Variants in ADARB2 observed in about 807,000 individuals in gnomAD.
ADARB2 encodes the protein inactive double-stranded RNA-specific editase B2.
In ADARB2, 25 loss-of-function variants were observed where a neutral mutation model predicts 62.2. The ratio of observed to expected loss-of-function variants is 0.40; its 90% confidence interval spans 0.29 to 0.56. The LOEUF is 0.56. Among genes scored for constraint, ADARB2 ranks in the 20% least tolerant of loss-of-function variants. ADARB2 has a pLI of 0.43. For missense variants in ADARB2, 1,071 were observed against 1,077.4 expected, an observed-to-expected ratio of 0.99 and a Z score of 0.08; for synonymous variants, 572 against 500.8, an observed-to-expected ratio of 1.14 and a Z score of -1.90.
intron 1 of ADARB2, among the ~76,000 whole-genome samples, chr10:1,463,436 A>T (rs1248585910): frequency 6.6e-6 from 1 of 152,242 alleles, no homozygotes; most frequent in Non-Finnish European, 1.5e-5. Context: ...AGACACGGGT[A>T]GAAGAGGCAG....
chr10:1,334,764 C>T (rs1470671112), intron 3 of ADARB2, among the ~76,000 whole-genome samples: 1 of 152,084 alleles, frequency 6.6e-6, no homozygotes, highest in African/African-American at 2.4e-5. Flanking sequence ...GGGTGTGTAA[C>T]GTCTTTGTGA....
intron 3 of ADARB2, among the ~76,000 whole-genome samples, chr10:1,302,572 G>C (rs1213552481): frequency 2.0e-5 from 3 of 152,142 alleles, no homozygotes; most frequent in Non-Finnish European, 2.9e-5. Context: ...ACCTCTGGGG[G>C]CAGGGCACAG....
chr10:1,619,349 T>C (rs1178298903), intron 1 of ADARB2, among the ~76,000 whole-genome samples: 1 of 151,204 alleles, frequency 6.6e-6, no homozygotes, highest in East Asian at 1.9e-4. Flanking sequence ...AAAAACTACA[T>C]TTGCTGTATT....
intron 4 of ADARB2, among the ~76,000 whole-genome samples, chr10:1,258,872 A>G (rs1338607996): frequency 2.0e-5 from 3 of 152,214 alleles, no homozygotes; most frequent in African/African-American, 4.8e-5. Flanking sequence ...CACCACACCT[A>G]TTCCAAAATT....
chr10:1,587,163 T>A (rs918320564), intron 1 of ADARB2, among the ~76,000 whole-genome samples: 10 of 152,204 alleles, frequency 6.6e-5, no homozygotes, highest in Non-Finnish European at 1.5e-4. Flanking sequence ...GTACACATAG[T>A]TTGAGAGTAA....
intron 3 of ADARB2, among the ~76,000 whole-genome samples, chr10:1,279,266 A>G (rs2131804098): frequency 6.6e-6 from 1 of 152,250 alleles, no homozygotes; most frequent in Non-Finnish European, 1.5e-5. Flanking sequence ...TCCTTTGTGT[A>G]TGCATGAAGA....
intron 1 of ADARB2, among the ~76,000 whole-genome samples, chr10:1,628,071 C>A (rs367733806): frequency 6.6e-6 from 1 of 152,386 alleles, no homozygotes; most frequent in South Asian, 2.1e-4. Flanking sequence ...CCCTTGTCCA[C>A]GCGTGGGTAG....
At chr10:1,440,713 G>A (rs1179138092) in intron 1 of ADARB2, among the ~76,000 whole-genome samples, 1 of 152,208 alleles carries the variant, frequency 6.6e-6, no homozygotes, top group Non-Finnish European at 1.5e-5. Flanking sequence ...TAAGCTATGA[G>A]CCAAGTGTTA....
chr10:1,244,911 G>A (rs1038297846), intron 4 of ADARB2, among the ~76,000 whole-genome samples: 34 of 152,242 alleles, frequency 2.2e-4, no homozygotes, highest in African/African-American at 8.0e-4. Context: ...GAGCCCGTAG[G>A]AGATGTGTGT....
At chr10:1,526,742 C>G (rs752643560) in intron 1 of ADARB2, 2 of 393,788 alleles carry the variant, frequency 5.1e-6, no homozygotes, top group South Asian at 3.7e-5. Flanking sequence ...GTGTTCCTTT[C>G]TAGCAACACA....
chr10:1,484,191 C>A (rs1468715883), intron 1 of ADARB2, among the ~76,000 whole-genome samples: 1 of 152,208 alleles, frequency 6.6e-6, no homozygotes, highest in Non-Finnish European at 1.5e-5. Context: ...CTTCTGCAGA[C>A]TTTATTTCTC....
rs187105821 is a variant in ADARB2, at chr10:1,704,991, G to C, written c.100+32060C>G. Among the ~76,000 whole-genome samples the C allele has an allele frequency of 1.2e-4, 19 of 152,266 alleles. No individual in the cohort carries two copies. In the East Asian group the frequency reaches 3.7e-3, roughly 29 times the overall value. ...CCATGAGCACAGACCCACAGGCAAAGCCCTGGGAGAAGTCCTTTCAAAGCT... is the reference window on the plus strand; with the variant it reads ...CCATGAGCACAGACCCACAGGCAAACCCCTGGGAGAAGTCCTTTCAAAGCT... On this transcript the variant is annotated intron_variant, in intron 1 of 9. Coordinates refer to ENST00000381312, the MANE Select transcript of ADARB2 (RefSeq NM_018702.4). This position sits in a 1 kb window ranked among gnomAD's most constrained non-coding sequence, Gnocchi z 5.6.
chr10:1,219,912 GTGGCGATGATGGTGA>G (rs1252792763), intron 6 of ADARB2, among the ~76,000 whole-genome samples: 33 of 144,636 alleles, frequency 2.3e-4, no homozygotes, highest in Non-Finnish European at 2.4e-4. Context: ...GGTAATGGTG[GTGGCGATGATGGTGA>G]TGGTGATGAT....
chr10:1,601,891 T>G (rs1833420126), intron 1 of ADARB2, among the ~76,000 whole-genome samples: 1 of 152,214 alleles, frequency 6.6e-6, no homozygotes, highest in Non-Finnish European at 1.5e-5. Context: ...GCAAAAGCAT[T>G]GAATGTGAGG....
intron 1 of ADARB2, among the ~76,000 whole-genome samples, chr10:1,474,776 T>C (rs1048703139): frequency 6.6e-6 from 1 of 151,816 alleles, no homozygotes; most frequent in African/African-American, 2.4e-5. Flanking sequence ...CTTGGGGAGA[T>C]GAGATTTACG....
intron 1 of ADARB2, among the ~76,000 whole-genome samples, chr10:1,455,216 C>T (rs934476046): frequency 6.6e-6 from 1 of 152,200 alleles, no homozygotes; most frequent in Non-Finnish European, 1.5e-5. Flanking sequence ...TTGTTAAGGA[C>T]CAGATGCTTC....
chr10:1,562,158 C>T (rs1446652155), intron 1 of ADARB2, among the ~76,000 whole-genome samples: 1 of 151,986 alleles, frequency 6.6e-6, no homozygotes, highest in African/African-American at 2.4e-5. Context: ...GCCCCTCTCA[C>T]CCCGCCCAAC....
intron 1 of ADARB2, among the ~76,000 whole-genome samples, chr10:1,663,346 A>G (rs1276728948): frequency 1.3e-5 from 2 of 152,178 alleles, no homozygotes; most frequent in African/African-American, 4.8e-5. Context: ...CGGCTCTGAG[A>G]ATTGCGACAA....
intron 3 of ADARB2, among the ~76,000 whole-genome samples, chr10:1,348,692 C>G (rs767493459): frequency 2.0e-5 from 3 of 152,180 alleles, no homozygotes; most frequent in Admixed American, 6.5e-5. Context: ...GTGAAGGCCC[C>G]GAGATGGGGT....
Sources: gnomAD v4.1 joint callset for allele counts (sites outside exome capture counted in the v4.1 genomes callset) on GRCh38, gnomAD v4.1.1 for gene constraint, Gnocchi (gnomAD v3.1) non-coding constraint, MANE v1.5 for transcripts, NCBI Gene and HGNC (gene_info 2026-07-23, HGNC 2026-07-21) for gene names.